BCKDHB: variants seen among roughly 807,000 people sequenced by gnomAD.
BCKDHB encodes the protein branched chain keto acid dehydrogenase E1 subunit beta, also known as 2-oxoisovalerate dehydrogenase subunit beta, mitochondrial.
In BCKDHB, 41 loss-of-function variants were observed where a neutral mutation model predicts 48.5. The observed-to-expected ratio is 0.85, with a 90% CI of 0.66 to 1.10. The LOEUF (loss-of-function observed/expected upper bound fraction) is 1.10, where lower values mean the gene tolerates loss of function less well. Ranked by LOEUF, BCKDHB falls within the 50% of genes least tolerant of loss-of-function variation. The probability of loss-of-function intolerance (pLI) is 0.00; values close to 1 mark genes in which losing one functional copy is unlikely to be tolerated. For synonymous variants in BCKDHB, 201 were observed against 174.8 expected (o/e 1.15, Z -1.18); for missense variants, 496 against 494.2 (o/e 1.00, Z -0.03).
At chr6:80,382,249 A>G in the BCKDHB span, among the ~76,000 whole-genome samples, 1 of 152,140 alleles carries the variant, frequency 6.6e-6, no homozygotes, top group African/African-American at 2.4e-5. Flanking sequence ...GGTTTTGGAA[A>G]TTGCGAGACA....
chr6:80,229,534 G>A (rs771663145), intron 8 of BCKDHB, among the ~76,000 whole-genome samples: 1 of 152,056 alleles, frequency 6.6e-6, no homozygotes, highest in Admixed American at 6.5e-5. Flanking sequence ...GAACAAAATA[G>A]GGATGTCCAT....
chr6:80,268,335 G>C (rs984632280), intron 8 of BCKDHB, among the ~76,000 whole-genome samples: 4 of 151,958 alleles, frequency 2.6e-5, no homozygotes, highest in African/African-American at 9.7e-5. Flanking sequence ...TGAAGTATAC[G>C]TGCTATGATT....
intron 9 of BCKDHB, among the ~76,000 whole-genome samples, chr6:80,273,652 A>C (rs1777847488): frequency 6.6e-6 from 1 of 152,152 alleles, no homozygotes; most frequent in African/African-American, 2.4e-5. Flanking sequence ...CGTTCTAAAA[A>C]TGAATCTCTC....
intron 9 of BCKDHB, among the ~76,000 whole-genome samples, chr6:80,286,578 A>T: frequency 6.6e-6 from 1 of 152,192 alleles, no homozygotes; most frequent in East Asian, 1.9e-4. Flanking sequence ...ACAAACTCTT[A>T]GCCTTAAGTT....
the BCKDHB span, among the ~76,000 whole-genome samples, chr6:80,386,319 C>T: frequency 6.6e-6 from 1 of 151,910 alleles, no homozygotes; most frequent in Non-Finnish European, 1.5e-5. Flanking sequence ...ACCTAAGTGC[C>T]CATCAATGGT....
intron 1 of BCKDHB, 63 bp downstream of exon 1, chr6:80,106,952 C>A: frequency 1.3e-6 from 2 of 1,549,596 alleles, no homozygotes; most frequent in South Asian, 2.4e-5. Context: ...CGCAGGCGCC[C>A]GCGAGGGGCA....
At chr6:80,322,253 T>C (rs1265389016) in intron 9 of BCKDHB, among the ~76,000 whole-genome samples, 3 of 122,526 alleles carry the variant, frequency 2.4e-5, no homozygotes, top group Non-Finnish European at 5.1e-5. Context: ...TTTTTTTTTT[T>C]TTGGTGACGG....
At chr6:80,422,224 C>T in the BCKDHB span, among the ~76,000 whole-genome samples, 1 of 152,222 alleles carries the variant, frequency 6.6e-6, no homozygotes, top group Non-Finnish European at 1.5e-5. Flanking sequence ...TCAGAGGGTA[C>T]AAACCCAAAG....
At chr6:80,308,657 T>G (rs1010129125) in intron 9 of BCKDHB, among the ~76,000 whole-genome samples, 5 of 151,220 alleles carry the variant, frequency 3.3e-5, no homozygotes, top group African/African-American at 7.3e-5. Flanking sequence ...TGCAGTGGCG[T>G]GATCCCGGCT....
Position 80,158,869 on chromosome 6 carries a change from C to G in BCKDHB, c.344-8809C>G, listed in dbSNP as rs148262729. Reference sequence around the variant, plus strand: ...GATCTTCACAAATGGGTGATCTGGGCTTCATGCATCATAGTGTTCACCCTA... The same window carrying G: ...GATCTTCACAAATGGGTGATCTGGGGTTCATGCATCATAGTGTTCACCCTA... On this transcript the variant is annotated intron_variant, in intron 3 of 9. Transcript: ENST00000320393. 1.7e-3 allele frequency among the ~76,000 whole-genome samples: 260 copies of G among 152,286 alleles called. 1 individual carries two copies. The highest frequency in any genetic ancestry group is 6.0e-3 in the African/African-American group (250 of 41,560).
chr6:80,107,322 AATGTATATT>A (rs1769132791), intron 1 of BCKDHB, among the ~76,000 whole-genome samples: 1 of 145,804 alleles, frequency 6.9e-6, no homozygotes, highest in Non-Finnish European at 1.5e-5. Context: ...ATATATTTTA[AATGTATATT>A]ATATATATTA....
chr6:80,135,631 A>G (rs575899649), intron 3 of BCKDHB, among the ~76,000 whole-genome samples: 3 of 152,184 alleles, frequency 2.0e-5, no homozygotes, highest in East Asian at 3.9e-4. Flanking sequence ...TTTTCCCCAC[A>G]GTGCTTTTTT....
the BCKDHB span, among the ~76,000 whole-genome samples, chr6:80,427,505 A>C: frequency 6.6e-6 from 1 of 152,178 alleles, no homozygotes; most frequent in East Asian, 1.9e-4. Flanking sequence ...TGAGAAAAAT[A>C]ATTTTAAAAG....
At chr6:80,349,312 C>A (rs1255908794), downstream of BCKDHB, among the ~76,000 whole-genome samples, 1 of 152,164 alleles carries the variant, frequency 6.6e-6, no homozygotes, top group African/African-American at 2.4e-5. Flanking sequence ...ATGGTCTATA[C>A]TAATTACACA....
At chr6:80,388,219 A>T in the BCKDHB span, among the ~76,000 whole-genome samples, 1 of 152,302 alleles carries the variant, frequency 6.6e-6, no homozygotes, top group South Asian at 2.1e-4. Flanking sequence ...AAACAGGTCC[A>T]GGCTGCTGTG....
intron 9 of BCKDHB, among the ~76,000 whole-genome samples, chr6:80,299,828 A>G (rs1767480891): frequency 6.6e-6 from 1 of 152,184 alleles, no homozygotes; most frequent in African/African-American, 2.4e-5. Flanking sequence ...AGCTAACAAC[A>G]TGGGGAAAAG....
the BCKDHB span, among the ~76,000 whole-genome samples, chr6:80,427,775 T>C: frequency 6.6e-6 from 1 of 152,218 alleles, no homozygotes; most frequent in Non-Finnish European, 1.5e-5. Flanking sequence ...TTGAAGATGT[T>C]ATACCACTGT....
At chr6:80,160,212 A>C (rs540055018) in intron 3 of BCKDHB, among the ~76,000 whole-genome samples, 2 of 152,032 alleles carry the variant, frequency 1.3e-5, no homozygotes, top group South Asian at 4.2e-4. Flanking sequence ...GCTGCAATGC[A>C]GTGGTGTGAT....
At chr6:80,343,519 T>G in intron 9 of BCKDHB, 145 bp from the exon 10 acceptor site, 1 of 907,576 alleles carries the variant, frequency 1.1e-6, no homozygotes, top group African/African-American at 1.7e-5. Flanking sequence ...GTTACCTGCT[T>G]TTTTCATATT....
Sources: allele counts gnomAD v4.1 joint callset (sites outside exome capture counted in the v4.1 genomes callset), GRCh38; gene constraint gnomAD v4.1.1; transcripts MANE v1.5; gene names NCBI Gene and HGNC (gene_info 2026-07-23, HGNC 2026-07-21).